The following KDM4C variants were observed in gnomAD, a reference collection of about 807,000 sequenced individuals.
KDM4C encodes the protein lysine demethylase 4C.
In KDM4C, 81 loss-of-function variants were observed where a neutral mutation model predicts 129.3. The observed-to-expected ratio is 0.63, with a 90% CI of 0.52 to 0.75. The LOEUF (loss-of-function observed/expected upper bound fraction) is 0.75. Ranked by LOEUF, KDM4C falls within the 30% of genes least tolerant of loss-of-function variation. The pLI is 0.00. For missense variants in KDM4C, 1,457 were observed against 1,304.0 expected (o/e 1.12, Z -1.81); for synonymous variants, 573 against 456.1 (o/e 1.26, Z -3.26).
chr9:7,033,086 TA>T (rs1157225171), intron 15 of KDM4C, among the ~76,000 whole-genome samples: 2 of 152,144 alleles, frequency 1.3e-5, no homozygotes, highest in Non-Finnish European at 2.9e-5. Flanking sequence ...CAGATTGGCT[TA>T]TGGCCTTGAG....
chr9:7,092,258 T>C (rs1835895478), intron 17 of KDM4C, among the ~76,000 whole-genome samples: 1 of 152,204 alleles, frequency 6.6e-6, no homozygotes, highest in African/African-American at 2.4e-5. Flanking sequence ...CTGTGGAACC[T>C]GAGGCTCAGA....
chr9:6,840,699 C>T (rs189541965), intron 4 of KDM4C, among the ~76,000 whole-genome samples: 17 of 152,312 alleles, frequency 1.1e-4, no homozygotes, highest in African/African-American at 3.1e-4. Context: ...ATCCAGCCCT[C>T]TGTTCTAATT....
chr9:6,754,666 G>C (rs1192390117), upstream of KDM4C, among the ~76,000 whole-genome samples: 3 of 151,934 alleles, frequency 2.0e-5, no homozygotes, highest in East Asian at 5.8e-4. Context: ...TTTGAGCCCA[G>C]GAGTTTGACA....
rs942802350 is a variant in KDM4C at position 7,052,886 on chromosome 9, A to C, written c.2424+3686A>C. 2.6e-3 allele frequency among the ~76,000 whole-genome samples: 32 copies of C among 12,434 alleles called. 1 individual carries two copies. The highest frequency in any genetic ancestry group is 0.012 in the African/African-American group (27 of 2,284). 8.2% of individuals were successfully genotyped at this position (12,434 alleles called of 152,430 possible). A position where few individuals can be genotyped will look rare whatever the true frequency, so the allele number is the denominator to read the frequency against. On this transcript the variant is annotated intron_variant, in intron 17 of 21. Transcript: ENST00000381309. ...TGCAGAGAGAGAGAGAGAGAGAGAG[A>C]GAGAGAGAGAGAGAGCGAGCGAGTG...
chr9:6,869,258 A>G (rs557815571), intron 5 of KDM4C, among the ~76,000 whole-genome samples: 3 of 152,334 alleles, frequency 2.0e-5, no homozygotes, highest in South Asian at 2.1e-4. Context: ...GAAATGGGCC[A>G]TGAATGGCAT....
In KDM4C at chr9:6,835,512, G is replaced by A. The variant is rs189597700; in HGVS notation, c.436-13995G>A. On this transcript the variant is annotated intron_variant, in intron 4 of 21. Transcript: ENST00000381309. ...TGGCCTCGCTGTCCACCTTCCAGCA[G>A]ATGTGGATCAGCAAGCAGGAGTATG... The A allele has an allele frequency of 8.2e-3, 12,432 of 1,511,880 alleles. 75 individuals carry two copies. The highest frequency in any genetic ancestry group is 0.011 in the South Asian group (996 of 88,956). 93.7% of individuals were successfully genotyped at this position (1,511,880 alleles called of 1,614,324 possible). A position where few individuals can be genotyped will look rare whatever the true frequency, so the allele number is the denominator to read the frequency against.
intron 1 of KDM4C, among the ~76,000 whole-genome samples, chr9:6,770,682 G>A (rs1588148612): frequency 7.4e-6 from 1 of 135,632 alleles, no homozygotes; most frequent in Non-Finnish European, 1.6e-5. Context: ...AGGATGGTCA[G>A]ATTATTGTGT....
At chr9:7,045,523 A>G (rs7859954) in intron 15 of KDM4C, among the ~76,000 whole-genome samples, 7,763 of 152,054 alleles carry the variant, frequency 0.051, 225 homozygotes, top group South Asian at 0.088. Context: ...CATTTTCAGT[A>G]TTTGGATTGT....
At chr9:7,038,298 T>C (rs923228072) in intron 15 of KDM4C, among the ~76,000 whole-genome samples, 3 of 152,040 alleles carry the variant, frequency 2.0e-5, no homozygotes, top group African/African-American at 7.2e-5. Context: ...TCTCAAAATC[T>C]CAAATTTCAT....
chr9:6,784,870 A>G (rs1424325862), intron 1 of KDM4C, among the ~76,000 whole-genome samples: 1 of 152,200 alleles, frequency 6.6e-6, no homozygotes, highest in African/African-American at 2.4e-5. Context: ...TAGATGTGCT[A>G]ACGATTAATG....
intron 12 of KDM4C, among the ~76,000 whole-genome samples, chr9:6,999,241 G>C (rs907780879): frequency 2.0e-5 from 3 of 152,080 alleles, no homozygotes; most frequent in African/African-American, 7.2e-5. Flanking sequence ...ATGTAGATTT[G>C]CCAGTCTTAA....
intron 15 of KDM4C, among the ~76,000 whole-genome samples, chr9:7,031,440 C>A (rs1396635109): frequency 6.6e-6 from 1 of 152,018 alleles, no homozygotes; most frequent in Non-Finnish European, 1.5e-5. Context: ...GGATTACAGG[C>A]GTGAGCCATT....
At chr9:7,047,542 T>G (rs1218800929) in intron 16 of KDM4C, among the ~76,000 whole-genome samples, 1 of 151,886 alleles carries the variant, frequency 6.6e-6, no homozygotes, top group African/African-American at 2.4e-5. Flanking sequence ...TGACCAGGTT[T>G]TAATATTGAA....
At chr9:7,121,446 C>G (rs1228712861) in intron 18 of KDM4C, among the ~76,000 whole-genome samples, 1 of 152,168 alleles carries the variant, frequency 6.6e-6, no homozygotes, top group Non-Finnish European at 1.5e-5. Context: ...ATTACTTCTG[C>G]TATATTCTTT....
At position 7,027,982 on chromosome 9, in the gene KDM4C, C is replaced by T. The variant is rs186517191; in HGVS notation, c.2259+12053C>T. ...TAGTGCCAGCCTGGGACTCACCCTT[C>T]GGGACACTGGGCTCCCCGCTGGCCC... On this transcript the variant is annotated intron_variant, in intron 15 of 21. Coordinates refer to ENST00000381309, the MANE Select transcript of KDM4C (RefSeq NM_015061.6). 2.7e-3 allele frequency among the ~76,000 whole-genome samples: 416 copies of T among 152,258 alleles called. 2 individuals carry two copies. Among genetic ancestry groups the T allele is most frequent in the Middle Eastern group, 6.8e-3 (2 of 294 alleles).
chr9:7,078,691 G>C (rs1436103525), intron 17 of KDM4C, among the ~76,000 whole-genome samples: 1 of 152,130 alleles, frequency 6.6e-6, no homozygotes, highest in East Asian at 1.9e-4. Flanking sequence ...TCCTTTTCTA[G>C]AGGTCCCATA....
At chr9:6,884,361 A>G (rs1367797477) in intron 6 of KDM4C, among the ~76,000 whole-genome samples, 1 of 152,230 alleles carries the variant, frequency 6.6e-6, no homozygotes, top group Non-Finnish European at 1.5e-5. Flanking sequence ...TCTTTTCATA[A>G]ATAAGCTTGC....
intron 4 of KDM4C, among the ~76,000 whole-genome samples, chr9:6,825,534 A>C (rs1326425751): frequency 1.3e-5 from 2 of 152,230 alleles, no homozygotes; most frequent in East Asian, 3.8e-4. Context: ...CTTCAGAGAC[A>C]GTGATTCTCA....
intron 5 of KDM4C, among the ~76,000 whole-genome samples, chr9:6,876,370 C>A (rs1472407277): frequency 1.3e-5 from 2 of 152,136 alleles, no homozygotes; most frequent in African/African-American, 4.8e-5. Flanking sequence ...GTATAATGAG[C>A]TCCTAAATAT....
Sources: allele counts gnomAD v4.1 joint callset (sites outside exome capture counted in the v4.1 genomes callset), GRCh38; gene constraint gnomAD v4.1.1; transcripts MANE v1.5; gene names NCBI Gene and HGNC (gene_info 2026-07-23, HGNC 2026-07-21).